The following CSDC2 variants were observed in gnomAD, a reference collection of about 807,000 sequenced individuals.
CSDC2 encodes cold shock domain containing C2.
In CSDC2, 8 loss-of-function variants were observed where a neutral mutation model predicts 15.8. The ratio of observed to expected loss-of-function variants is 0.51; its 90% CI spans 0.30 to 0.92. The LOEUF (loss-of-function observed/expected upper bound fraction) is 0.92, where lower values mean the gene tolerates loss of function less well. CSDC2 is among the 40% of genes least tolerant of loss of function. The pLI is 0.07. For missense variants in CSDC2, 195 were observed against 213.3 expected (o/e 0.91, Z 0.53); for synonymous variants, 96 against 92.3 (o/e 1.04, Z -0.23).
intron 1 of CSDC2, 78 bp downstream of exon 1, chr22:41,561,261 G>A (rs905157950): frequency 4.6e-5 from 7 of 152,632 alleles, no homozygotes; most frequent in African/African-American, 1.4e-4. Flanking sequence ...GAGGTACAAC[G>A]TGAAGGTGGG....
intron 1 of CSDC2, among the ~76,000 whole-genome samples, chr22:41,563,735 C>T (rs901247891): frequency 3.3e-5 from 5 of 151,954 alleles, no homozygotes; most frequent in South Asian, 2.1e-4. Flanking sequence ...GAGAGCTCAG[C>T]GAGGCTCTTC....
At chr22:41,566,630 CAAAAA>C (rs554141972) in intron 1 of CSDC2, among the ~76,000 whole-genome samples, 1 of 83,446 alleles carries the variant, frequency 1.2e-5, no homozygotes, top group African/African-American at 4.6e-5. Context: ...GACTCTGTCT[CAAAAA>C]AAAAAAAAAA....
At chr22:41,566,471 A>G (rs1410795799) in intron 1 of CSDC2, among the ~76,000 whole-genome samples, 2 of 143,054 alleles carry the variant, frequency 1.4e-5, no homozygotes, top group African/African-American at 5.2e-5. Flanking sequence ...AAAAAAACAC[A>G]CAAAAATTAG....
chr22:41,569,867 C>T (rs936232304), intron 1 of CSDC2, among the ~76,000 whole-genome samples: 4 of 149,716 alleles, frequency 2.7e-5, no homozygotes, highest in Non-Finnish European at 5.9e-5. Context: ...GCAACCTCTG[C>T]CTCCCGGGTT....
At position 41,574,922 on chromosome 22, in the gene CSDC2, C is replaced by A. The variant is rs532408485; in HGVS notation, c.*27C>A. On this transcript the variant is annotated 3_prime_UTR_variant, in exon 4 of 4. Coordinates refer to ENST00000306149, the MANE Select transcript of CSDC2 (RefSeq NM_014460.4). ...CTGAGTGGTTCACAGGCCAGCTGGC[C>A]GGGGGTTGGGGAGCCACACAGGGTG... 19 of 1,559,614 alleles carry A rather than the reference C, an allele frequency of 1.2e-5. No individual in the cohort carries two copies. The highest frequency in any genetic ancestry group is 1.1e-4 in the South Asian group (9 of 85,662).
rs2067168135 is a variant in CSDC2, at chr22:41,575,042, G to A, written c.*147G>A. On this transcript the variant is annotated 3_prime_UTR_variant, in exon 4 of 4. Transcript: ENST00000306149. ...GTCTGTCTGTCCGTCTGTGCTTGTG[G>A]CTATGAGCGTGTGCCTCCACCCACC... The A allele has an allele frequency of 4.0e-6, 4 of 1,001,882 alleles. No individual in the cohort carries two copies. The highest frequency in any genetic ancestry group is 2.5e-5 in the Admixed American group (1 of 39,274). 62.1% of individuals were successfully genotyped at this position (1,001,882 alleles called of 1,614,324 possible).
chr22:41,562,170 A>G (rs886811290), intron 1 of CSDC2, among the ~76,000 whole-genome samples: 4 of 152,168 alleles, frequency 2.6e-5, no homozygotes, highest in African/African-American at 7.2e-5. Context: ...GCCTGGCATC[A>G]TGCTGCCTGG....
chr22:41,574,872 TC>T lies in CSDC2; in HGVS notation c.440del (p.Ser147LeufsTer118), dbSNP rs2067166996. On this transcript the variant is annotated frameshift_variant, in exon 4 of 4. Transcript: ENST00000306149. LOFTEE classifies it high-confidence loss of function. ...LAPHTPHETW[S>X]GQVVGS ...CCCCCACACTCCCCACGAGACGTGG[TC>T]TGGCCAGGTCGTGGGCTCCTAGGCT... 6.2e-7 allele frequency: 1 copy of T among 1,601,808 alleles called. No individual in the cohort carries two copies. The highest frequency in any genetic ancestry group is 1.7e-5 in the Admixed American group (1 of 58,140).
chr22:41,561,045 G>A lies in CSDC2; in HGVS notation c.-262G>A, dbSNP rs201425136. 1.5e-5 allele frequency: 2 copies of A among 132,060 alleles called. No individual in the cohort carries two copies. Among genetic ancestry groups the A allele is most frequent in the African/African-American group, 5.7e-5 (2 of 35,206 alleles). 8.2% of individuals were successfully genotyped at this position (132,060 alleles called of 1,614,324 possible). Reference sequence around the variant, plus strand: ...GGTACCGCCCGCGCGAGCACACACAGACACACACACACACACACACACACA... The same window carrying A: ...GGTACCGCCCGCGCGAGCACACACAAACACACACACACACACACACACACA... On this transcript the variant is annotated 5_prime_UTR_variant, in exon 1 of 4. Transcript: ENST00000306149.
chr22:41,571,069 T>C (rs1336100681), intron 1 of CSDC2, among the ~76,000 whole-genome samples: 2 of 151,174 alleles, frequency 1.3e-5, no homozygotes, highest in Non-Finnish European at 2.9e-5. Flanking sequence ...TGTTGACCAA[T>C]GCGCTGGACG....
Position 41,572,013 on chromosome 22 carries a change from C to A in CSDC2, c.48C>A (p.Ser16=). 1 of 1,363,060 alleles carries A rather than the reference C, an allele frequency of 7.3e-7. No individual in the cohort carries two copies. The highest frequency in any genetic ancestry group is 2.0e-5 in the South Asian group (1 of 50,532). 84.4% of individuals were successfully genotyped at this position (1,363,060 alleles called of 1,614,324 possible). ...CCCCAGTTGTGCCCCCGCTCCACTC[C>A]CCCAAGTCCCCAGTCTGGCCCACCT... ...TSPPVVPPLH[S]PKSPVWPTFP... Residue 16 remains serine, a synonymous_variant, in exon 2 of 4, where the codon TCC becomes TCA. Coordinates refer to ENST00000306149, the MANE Select transcript of CSDC2 (RefSeq NM_014460.4).
chr22:41,575,222 A>G lies in CSDC2; in HGVS notation c.*327A>G. The G allele has an allele frequency of 5.2e-6, 2 of 386,968 alleles. No individual in the cohort carries two copies. Among genetic ancestry groups the G allele is most frequent in the South Asian group, 6.0e-5 (2 of 33,192 alleles). The allele number at this position is 386,968 out of a possible 1,614,324, so 24.0% of individuals were successfully genotyped here. A position where few individuals can be genotyped will look rare whatever the true frequency, so the allele number is the denominator to read the frequency against. The stretch of plus-strand genomic sequence containing the variant: ...CTCCTGCTTACCCGTCCCCACGGTG[A>G]CTGAGCTGCGAGAGCCTGCGCTGGG... On this transcript the variant is annotated 3_prime_UTR_variant, in exon 4 of 4. Coordinates refer to ENST00000306149, the MANE Select transcript of CSDC2 (RefSeq NM_014460.4).
At chr22:41,561,795 T>C (rs2145593899) in intron 1 of CSDC2, among the ~76,000 whole-genome samples, 1 of 152,346 alleles carries the variant, frequency 6.6e-6, no homozygotes, top group East Asian at 1.9e-4. Context: ...GCCTGCCTGC[T>C]GGTCTGCTCT....
Position 41,572,156 on chromosome 22 carries a change from C to A in CSDC2, c.176+15C>A. 1 of 1,297,392 alleles carries A rather than the reference C, an allele frequency of 7.7e-7. No homozygotes were observed. 80.4% of individuals were successfully genotyped at this position (1,297,392 alleles called of 1,614,324 possible). On this transcript the variant is annotated intron_variant, in intron 2 of 3. Transcript: ENST00000306149. ...ACCTATTCAGCGTGAGTACCTGCCC[C>A]TTGCCCAGGCCCCTGACCCTTGTCA...
In CSDC2 at chr22:41,571,998, GC is replaced by G; in HGVS notation, c.38del (p.Pro13ArgfsTer101). The G allele has an allele frequency of 7.4e-7, 1 of 1,358,996 alleles. No homozygotes were observed. The highest frequency in any genetic ancestry group is 9.5e-7 in the Non-Finnish European group (1 of 1,053,694). The allele number at this position is 1,358,996 out of a possible 1,614,324, so 84.2% of individuals were successfully genotyped here. A position where few individuals can be genotyped will look rare whatever the true frequency, so the allele number is the denominator to read the frequency against. ...TSESTSPPVVPPLHSPKSPVW... is the reference protein window; with the variant it reads ...TSESTSPPVVXPLHSPKSPVW... ...CAGAGTCGACGTCACCCCCAGTTGT[GC>G]CCCCGCTCCACTCCCCCAAGTCCCC... On this transcript the variant is annotated frameshift_variant, in exon 2 of 4. Transcript: ENST00000306149. LOFTEE classifies it high-confidence loss of function.
chr22:41,573,932 G>A (rs2067161478), intron 3 of CSDC2, among the ~76,000 whole-genome samples, 155 bp downstream of exon 3: 1 of 152,216 alleles, frequency 6.6e-6, no homozygotes, highest in Non-Finnish European at 1.5e-5. Flanking sequence ...TGCGTTGGGA[G>A]AGGAGGGCTG....
chr22:41,561,400 CATGTCT>C (rs1355447249), intron 1 of CSDC2, among the ~76,000 whole-genome samples: 4 of 152,138 alleles, frequency 2.6e-5, no homozygotes, highest in African/African-American at 7.2e-5. Flanking sequence ...CCCGTGGGAG[CATGTCT>C]GTGTCTGTGT....
Position 41,572,062 on chromosome 22 carries a change from A to G in CSDC2, c.97A>G (p.Arg33Gly). The change falls in exon 2 of 4, where the codon AGG becomes GGG. Residue 33 changes from arginine (R) to glycine (G), a missense_variant. By Grantham distance (125) the Arg-to-Gly change is moderately radical (BLOSUM62 -2). Transcript: ENST00000306149. Reference sequence around the variant, plus strand: ...CTTCCCCTTCCACAGGGAGGGCAGCAGGGTCTGGGAGCGGGGTGGTGTCCC... The same window carrying G: ...CTTCCCCTTCCACAGGGAGGGCAGCGGGGTCTGGGAGCGGGGTGGTGTCCC... ...PTFPFHREGS[R>G]VWERGGVPPR... 3.7e-6 allele frequency: 5 copies of G among 1,361,056 alleles called. No homozygotes were observed. Among genetic ancestry groups the G allele is most frequent in the Non-Finnish European group, 4.7e-6 (5 of 1,053,688 alleles). The allele number at this position is 1,361,056 out of a possible 1,614,324, so 84.3% of individuals were successfully genotyped here.
intron 1 of CSDC2, among the ~76,000 whole-genome samples, chr22:41,571,227 G>C (rs554252725): frequency 3.3e-5 from 5 of 151,480 alleles, no homozygotes; most frequent in Admixed American, 2.0e-4. Flanking sequence ...GGTGGCAGGC[G>C]CCTGTAATCC....
Sources: gnomAD v4.1 joint callset for allele counts (sites outside exome capture counted in the v4.1 genomes callset) on GRCh38, gnomAD v4.1.1 for gene constraint, MANE v1.5 for transcripts, NCBI Gene and HGNC (gene_info 2026-07-23, HGNC 2026-07-21) for gene names.